The following DMD variants were observed in gnomAD, a reference collection of about 807,000 sequenced individuals.
DMD encodes mutant dystrophin.
Under a neutral mutation model 330.1 loss-of-function variants are expected in DMD, and 63 were observed. The ratio of observed to expected loss-of-function variants is 0.19; its 90% CI spans 0.16 to 0.24. The LOEUF (loss-of-function observed/expected upper bound fraction) is 0.24. DMD is among the 10% of genes least tolerant of loss of function. The pLI, the probability that DMD is intolerant of heterozygous loss-of-function variation, is 1.00. For synonymous variants in DMD, 1,223 were observed against 959.8 expected, an observed-to-expected ratio of 1.27 and a Z score of -5.07; for missense variants, 3,344 against 2,684.1, an observed-to-expected ratio of 1.25 and a Z score of -5.43.
intron 62 of DMD, among the ~76,000 whole-genome samples, chrX:31,290,046 G>A (rs961808119): frequency 4.6e-5 from 5 of 107,872 alleles, no homozygotes; most frequent in East Asian, 2.9e-4. Flanking sequence ...TCAGCCTCCC[G>A]AGTAGCTGGG....
intron 55 of DMD, among the ~76,000 whole-genome samples, chrX:31,576,523 T>A (rs2076106902): frequency 9.1e-6 from 1 of 110,233 alleles, no homozygotes; most frequent in African/African-American, 3.3e-5. Flanking sequence ...AATTACTCCA[T>A]AGAAACCATA....
chrX:32,810,216 G>T (rs1047131811), intron 6 of DMD, among the ~76,000 whole-genome samples: 2 of 111,518 alleles, frequency 1.8e-5, no homozygotes, highest in African/African-American at 6.5e-5. Context: ...AGAAAATCCT[G>T]AAGATGACAA....
intron 52 of DMD, among the ~76,000 whole-genome samples, chrX:31,688,867 A>G (rs189370122): frequency 4.5e-5 from 5 of 111,734 alleles, no homozygotes; most frequent in African/African-American, 6.5e-5. Flanking sequence ...AACGACAAAA[A>G]CCACATGGTT....
intron 2 of DMD, among the ~76,000 whole-genome samples, chrX:32,854,323 T>C (rs933179881): frequency 3.6e-5 from 4 of 111,570 alleles, no homozygotes; most frequent in African/African-American, 1.3e-4. Flanking sequence ...ATTCAAAAAA[T>C]TGAAATATAA....
intron 1 of DMD, among the ~76,000 whole-genome samples, chrX:33,171,612 C>G (rs1375362328): frequency 1.8e-5 from 2 of 111,367 alleles, no homozygotes; most frequent in Non-Finnish European, 3.8e-5. Context: ...TGCTTCCTTT[C>G]CCTCACAGAT....
Position 32,463,513 on chromosome X carries a change from C to T in DMD, c.3358G>A (p.Glu1120Lys). ...TCAAGTCTCGAAGCAAACTCTGGCT[C>T]TGCTTCATTCTTTATCTTCTGCCCA... is the stretch of plus-strand genomic sequence containing the variant. The part of the protein sequence containing the change: ...EGGQKIKNEA[E>K]PEFASRLETE... The change falls in exon 25 of 79, where the codon GAG (glutamate) becomes AAG (lysine). Residue 1120 changes from glutamate to lysine, a missense_variant. Transcript: ENST00000357033. 1 of 1,203,612 alleles carries T rather than the reference C, an allele frequency of 8.3e-7. No homozygotes were observed. Among genetic ancestry groups the T allele is most frequent in the South Asian group, 1.8e-5 (1 of 55,580 alleles).
chrX:33,316,935 T>C (rs1043982904), intron 1 of DMD, among the ~76,000 whole-genome samples: 5 of 111,305 alleles, frequency 4.5e-5, no homozygotes, highest in African/African-American at 1.6e-4. Context: ...CTCATATATA[T>C]ATTGTTAATA....
chrX:31,935,832 C>CA (rs971130230), intron 45 of DMD, among the ~76,000 whole-genome samples: 3 of 110,770 alleles, frequency 2.7e-5, no homozygotes, highest in African/African-American at 6.6e-5. Context: ...AATATCAAAC[C>CA]AAAAAAATAA....
At chrX:32,635,045 G>A (rs908591894) in intron 11 of DMD, among the ~76,000 whole-genome samples, 1 of 111,979 alleles carries the variant, frequency 8.9e-6, no homozygotes, top group African/African-American at 3.2e-5. Context: ...ATTCTTCCCT[G>A]TCTAGGGTTC....
chrX:31,447,497 C>G (rs2065373867), intron 59 of DMD, among the ~76,000 whole-genome samples: 1 of 110,160 alleles, frequency 9.1e-6, no homozygotes, highest in Non-Finnish European at 1.9e-5. Flanking sequence ...TGTATGTTCT[C>G]AAACCTATCT....
chrX:32,587,104 C>G (rs1382031799), intron 13 of DMD, among the ~76,000 whole-genome samples: 1 of 111,420 alleles, frequency 9.0e-6, no homozygotes, highest in Non-Finnish European at 1.9e-5. Flanking sequence ...AATTTTCTTT[C>G]TCATACTATC....
At chrX:32,925,145 GTTTTTTTTTTTTT>G (rs777224221) in intron 2 of DMD, among the ~76,000 whole-genome samples, 26 of 48,530 alleles carry the variant, frequency 5.4e-4, no homozygotes, top group Admixed American at 1.1e-3. Flanking sequence ...AAAACTCTGG[GTTTTTTTTTTTTT>G]TTTTTTTTTT....
At chrX:31,295,289 C>T (rs2054091913) in intron 62 of DMD, among the ~76,000 whole-genome samples, 1 of 111,394 alleles carries the variant, frequency 9.0e-6, no homozygotes, top group Non-Finnish European at 1.9e-5. Flanking sequence ...GCCACCGCGC[C>T]CGGCCGTAGG....
In DMD at chrX:33,125,161, C is replaced by T. The variant is rs151074929; in HGVS notation, c.31+86121G>A. ...AAAAGGGAAAAACTGGCAAGTGAGC[C>T]AGGCTGAAATAATTCAATATAATAT... is the stretch of plus-strand genomic sequence containing the variant. On this transcript the variant is annotated intron_variant, in intron 1 of 78. Transcript: ENST00000357033. Among the ~76,000 whole-genome samples, 477 of 109,133 alleles carry T rather than the reference C, an allele frequency of 4.4e-3. 3 individuals are homozygous for T. The highest frequency in any genetic ancestry group is 0.015 in the African/African-American group (461 of 30,106). The allele number at this position is 109,133 out of a possible 115,157, so 94.8% of individuals were successfully genotyped here. A position where few individuals can be genotyped will look rare whatever the true frequency, so the allele number is the denominator to read the frequency against.
intron 2 of DMD, among the ~76,000 whole-genome samples, chrX:32,966,896 G>C: frequency 8.9e-6 from 1 of 112,061 alleles, no homozygotes; most frequent in East Asian, 2.8e-4. Flanking sequence ...ACTGAAGAGT[G>C]GCCAAGGTCT....
At chrX:32,673,325 G>A (rs769969748) in intron 9 of DMD, among the ~76,000 whole-genome samples, 4 of 111,280 alleles carry the variant, frequency 3.6e-5, no homozygotes, top group Non-Finnish European at 5.7e-5. Context: ...TGCCTTACGA[G>A]TACCAACACT....
chrX:32,524,814 T>C (rs2046794899), intron 17 of DMD, among the ~76,000 whole-genome samples: 1 of 112,556 alleles, frequency 8.9e-6, no homozygotes, highest in Non-Finnish European at 1.9e-5. Context: ...TCACATACAG[T>C]GCGTGAACTT....
At chrX:32,642,298 C>G (rs2059518759) in intron 11 of DMD, among the ~76,000 whole-genome samples, 1 of 112,336 alleles carries the variant, frequency 8.9e-6, no homozygotes, top group South Asian at 3.6e-4. Flanking sequence ...GTACGTGTCT[C>G]ATTTTAAAAA....
chrX:31,185,888 G>T (rs2041728367), intron 67 of DMD, among the ~76,000 whole-genome samples: 1 of 111,178 alleles, frequency 9.0e-6, no homozygotes, highest in Non-Finnish European at 1.9e-5. Flanking sequence ...CTTTGCTTTT[G>T]CCAAGAACCA....
Sources: gnomAD v4.1 joint callset for allele counts (sites outside exome capture counted in the v4.1 genomes callset) on GRCh38, gnomAD v4.1.1 for gene constraint, MANE v1.5 for transcripts, NCBI Gene and HGNC (gene_info 2026-07-23, HGNC 2026-07-21) for gene names.